PACC1: variants seen among roughly 807,000 people sequenced by gnomAD.
PACC1 encodes the protein proton activated chloride channel 1.
PACC1 carries 34 observed loss-of-function variants against 39.7 expected under a neutral mutation model. That is an observed-to-expected ratio of 0.86 (90% CI 0.65 to 1.14). The LOEUF is 1.14. Among genes scored for constraint, PACC1 ranks in the 50% most tolerant of loss-of-function variants. The probability of loss-of-function intolerance (pLI) is 0.00; values close to 1 mark genes in which losing one functional copy is unlikely to be tolerated. For missense variants in PACC1, 379 were observed against 436.4 expected (o/e 0.87, Z 1.17); for synonymous variants, 127 against 160.6 (o/e 0.79, Z 1.58).
chr1:212,411,810 A>C (rs1662136601), intron 1 of PACC1, among the ~76,000 whole-genome samples: 1 of 152,204 alleles, frequency 6.6e-6, no homozygotes, highest in East Asian at 1.9e-4. Flanking sequence ...AATCAGGCAA[A>C]ATCTCCAGTT....
chr1:212,370,735 T>C (rs1408565624), intron 7 of PACC1, among the ~76,000 whole-genome samples: 1 of 152,176 alleles, frequency 6.6e-6, no homozygotes, highest in Non-Finnish European at 1.5e-5. Context: ...TTTTAACATT[T>C]ATTGAACAAA....
intron 5 of PACC1, among the ~76,000 whole-genome samples, chr1:212,378,668 T>C (rs1174130309): frequency 1.3e-5 from 2 of 152,178 alleles, no homozygotes; most frequent in African/African-American, 4.8e-5. Context: ...AGACAAGAAC[T>C]TTCTGATGGT....
intron 2 of PACC1, among the ~76,000 whole-genome samples, chr1:212,401,517 TCGAGAGG>T (rs986931192): frequency 3.2e-4 from 47 of 148,972 alleles, no homozygotes; most frequent in South Asian, 4.2e-4. Flanking sequence ...TCCCAGCCAC[TCGAGAGG>T]CTGAGGCAGG....
chr1:212,375,247 T>C lies in PACC1; in HGVS notation c.837A>G (p.Gln279=), dbSNP rs372765144. ...DQRPAAKKSA[Q]LFFVVFEWKD... The stretch of plus-strand genomic sequence containing the variant: ...TCCATTCAAAGACCACAAAAAACAA[T>C]TGAGCACTTTTTTTGGCAGCTGGCC... The change falls in exon 7 of 8, where the codon CAA becomes CAG. Residue 279 remains glutamine (Q), a synonymous_variant. Transcript: ENST00000261455. 51 of 1,613,856 alleles carry C rather than the reference T, an allele frequency of 3.2e-5. No individual in the cohort carries two copies. The highest frequency in any genetic ancestry group is 1.6e-4 in the Middle Eastern group (1 of 6,084).
chr1:212,390,580 G>C (rs1171704977), intron 2 of PACC1, among the ~76,000 whole-genome samples: 2 of 152,034 alleles, frequency 1.3e-5, no homozygotes, highest in Admixed American at 6.5e-5. Context: ...ACTGGGGCTT[G>C]TCATACAGTG....
In PACC1 at chr1:212,380,039, T is replaced by C. The variant is rs1373024822; in HGVS notation, c.496-2A>G. 6.2e-7 allele frequency: 1 copy of C among 1,613,740 alleles called. No homozygotes were observed. Reference sequence around the variant, plus strand: ...CCCCTGGACAATCAGGGCAGATTTCTGCAGAGAGAAAAAGGACAGAGTCTC... The same window carrying C: ...CCCCTGGACAATCAGGGCAGATTTCCGCAGAGAGAAAAAGGACAGAGTCTC... On this transcript the variant is annotated splice_acceptor_variant, in intron 4 of 7. Transcript: ENST00000261455. LOFTEE classifies it high-confidence loss of function.
chr1:212,393,833 CT>C (rs1292783582), intron 2 of PACC1, among the ~76,000 whole-genome samples: 4 of 152,108 alleles, frequency 2.6e-5, no homozygotes, highest in Admixed American at 6.5e-5. Context: ...ACTAGAAAAT[CT>C]AGAAGAAATG....
intron 4 of PACC1, 50 bp from the exon 5 acceptor site, chr1:212,380,087 G>A (rs766452031): frequency 1.3e-6 from 2 of 1,594,972 alleles, no homozygotes; most frequent in Non-Finnish European, 1.7e-6. Flanking sequence ...GTACACAGAG[G>A]CCTCTGGGTC....
chr1:212,403,810 C>A (rs1179669519), intron 2 of PACC1, among the ~76,000 whole-genome samples: 1 of 152,146 alleles, frequency 6.6e-6, no homozygotes, highest in Non-Finnish European at 1.5e-5. Context: ...AGTGACTCAC[C>A]CGCCTCAGCC....
At chr1:212,377,127 G>T (rs1031586845) in intron 6 of PACC1, among the ~76,000 whole-genome samples, 3 of 152,226 alleles carry the variant, frequency 2.0e-5, no homozygotes, top group Middle Eastern at 3.4e-3. Context: ...GGCATCTCTC[G>T]CTGTGACACC....
intron 2 of PACC1, among the ~76,000 whole-genome samples, chr1:212,390,215 G>C (rs543962118): frequency 1.3e-4 from 20 of 152,078 alleles, no homozygotes; most frequent in African/African-American, 4.8e-4. Context: ...ACAAGGTCAA[G>C]AGATCGAAAC....
chr1:212,397,892 G>A (rs754577563), intron 2 of PACC1, among the ~76,000 whole-genome samples: 5 of 152,176 alleles, frequency 3.3e-5, no homozygotes, highest in Admixed American at 6.5e-5. Flanking sequence ...CAGTGGTTAC[G>A]AGCATGAGCT....
chr1:212,401,494 C>T (rs967424235), intron 2 of PACC1, among the ~76,000 whole-genome samples: 2 of 151,800 alleles, frequency 1.3e-5, no homozygotes, highest in African/African-American at 4.8e-5. Context: ...GTTGTGGTGG[C>T]ACATGCTTGT....
intron 2 of PACC1, among the ~76,000 whole-genome samples, chr1:212,390,728 G>A (rs1661286915): frequency 6.6e-6 from 1 of 152,132 alleles, no homozygotes; most frequent in African/African-American, 2.4e-5. Context: ...CTGGAAAATC[G>A]GGCCACTCCC....
rs1181851764 is a variant in PACC1 at position 212,413,874 on chromosome 1, G to C, written c.36+848C>G. The C allele has an allele frequency of 9.2e-6, 14 of 1,524,788 alleles. No individual in the cohort carries two copies. The Admixed American group carries it at 1.4e-4, about 15-fold the overall frequency. 94.5% of individuals were successfully genotyped at this position (1,524,788 alleles called of 1,614,324 possible). On this transcript the variant is annotated intron_variant, in intron 1 of 7. Transcript: ENST00000261455. ...ACTCAGAGGTTACAGCAAACACAGG[G>C]ACACAAACTGGAGGAGGACCGACCT...
At chr1:212,374,333 C>T (rs893543706) in intron 7 of PACC1, among the ~76,000 whole-genome samples, 1 of 151,970 alleles carries the variant, frequency 6.6e-6, no homozygotes, top group African/African-American at 2.4e-5. Flanking sequence ...AAATACCACA[C>T]GTTCTCACTC....
chr1:212,378,644 A>AGT (rs1401331729), intron 5 of PACC1, among the ~76,000 whole-genome samples: 3 of 152,192 alleles, frequency 2.0e-5, no homozygotes, highest in African/African-American at 7.2e-5. Context: ...ACCCCAAAGC[A>AGT]GTGTGTGTGG....
Position 212,375,222 on chromosome 1 carries a change from T to C in PACC1, c.862A>G (p.Lys288Glu). Reference protein sequence around the residue: ...AQLFFVVFEWKDPFIQKVQDI... With the variant: ...AQLFFVVFEWEDPFIQKVQDI... Reference sequence around the variant, plus strand: ...TGGACTTTCTGGATGAAAGGATCTTTCCATTCAAAGACCACAAAAAACAAT... The same window carrying C: ...TGGACTTTCTGGATGAAAGGATCTTCCCATTCAAAGACCACAAAAAACAAT... Residue 288 changes from lysine (K) to glutamate (E), a missense_variant, in exon 7 of 8, where the codon AAA becomes GAA. Lys to Glu is a moderately conservative substitution (Grantham distance 56). Transcript: ENST00000261455. 6.2e-7 allele frequency: 1 copy of C among 1,613,978 alleles called. No homozygotes were observed. The highest frequency in any genetic ancestry group is 8.5e-7 in the Non-Finnish European group (1 of 1,179,854).
rs1662227219 is a variant in PACC1, at chr1:212,413,915, T to C, written c.36+807A>G. ...GGACCGACCTGGAACTGCCTGACTT[T>C]GGCCAATGAGGCGGCACGATGGAGG... is the stretch of plus-strand genomic sequence containing the variant. On this transcript the variant is annotated intron_variant, in intron 1 of 7. Transcript: ENST00000261455. The C allele has an allele frequency of 2.0e-6, 3 of 1,534,708 alleles. No homozygotes were observed. The highest frequency in any genetic ancestry group is 2.6e-6 in the Non-Finnish European group (3 of 1,146,464).
Sources: gnomAD v4.1 joint callset for allele counts (sites outside exome capture counted in the v4.1 genomes callset) on GRCh38, gnomAD v4.1.1 for gene constraint, MANE v1.5 for transcripts, NCBI Gene and HGNC (gene_info 2026-07-23, HGNC 2026-07-21) for gene names.